Variants in NT5C2 observed in about 807,000 individuals in gnomAD.
NT5C2 encodes 5'-nucleotidase, cytosolic II.
Under a neutral mutation model 76.1 loss-of-function variants are expected in NT5C2, and 58 were observed. The ratio of observed to expected loss-of-function variants is 0.76; its 90% confidence interval spans 0.62 to 0.95. The LOEUF is 0.95. Ranked by LOEUF, NT5C2 falls within the 40% of genes least tolerant of loss-of-function variation. NT5C2 has a pLI of 0.00. For missense variants in NT5C2, 478 were observed against 690.3 expected (o/e 0.69, Z 3.45); for synonymous variants, 229 against 237.4 (o/e 0.96, Z 0.32).
intron 1 of NT5C2, among the ~76,000 whole-genome samples, chr10:103,192,835 CTGAGGAAAGGGCTACCACCAGCG>C (rs1446264764): frequency 6.6e-6 from 1 of 152,148 alleles, no homozygotes; most frequent in Non-Finnish European, 1.5e-5. Context: ...GTCAGCAGGA[CTGAGGAAAGGGCTACCACCAGCG>C]TGAGGAAAGG....
intron 3 of NT5C2, among the ~76,000 whole-genome samples, chr10:103,168,103 C>T (rs190300909): frequency 7.2e-6 from 1 of 139,076 alleles, no homozygotes. Context: ...TAAACTGCAA[C>T]TAAAAAAAAA....
At chr10:103,192,530 A>C (rs572355699) in intron 1 of NT5C2, among the ~76,000 whole-genome samples, 12 of 152,294 alleles carry the variant, frequency 7.9e-5, no homozygotes, top group African/African-American at 2.9e-4. Flanking sequence ...AAAAAAGGAG[A>C]AGAATAGGCC....
At chr10:103,157,397 T>C (rs2133956838) in intron 3 of NT5C2, among the ~76,000 whole-genome samples, 1 of 152,284 alleles carries the variant, frequency 6.6e-6, no homozygotes, top group African/African-American at 2.4e-5. Flanking sequence ...AATTTTAGAT[T>C]AAGCAAACTA....
chr10:103,135,650 T>C (rs1451816783), intron 4 of NT5C2, among the ~76,000 whole-genome samples: 3 of 151,848 alleles, frequency 2.0e-5, no homozygotes, highest in Non-Finnish European at 4.4e-5. Flanking sequence ...TAGCCGGGCA[T>C]AGTGGCAGGC....
chr10:103,153,363 T>C, intron 3 of NT5C2: 1 of 1,263,516 alleles, frequency 7.9e-7, no homozygotes. Context: ...GCTTCACTGA[T>C]CTCTTGAGAA....
chr10:103,124,988 C>T (rs916191264), intron 4 of NT5C2: 5 of 160,432 alleles, frequency 3.1e-5, no homozygotes, highest in South Asian at 1.7e-4. Flanking sequence ...TTCCATGAGG[C>T]ATTTTATTTG....
intron 4 of NT5C2, among the ~76,000 whole-genome samples, chr10:103,122,122 C>T (rs979005366): frequency 2.6e-5 from 4 of 152,110 alleles, no homozygotes; most frequent in Admixed American, 2.0e-4. Flanking sequence ...TGTAGTGAGC[C>T]GAGATCACCC....
intron 3 of NT5C2, among the ~76,000 whole-genome samples, chr10:103,155,381 T>C (rs2083164433): frequency 6.6e-6 from 1 of 152,210 alleles, no homozygotes; most frequent in Non-Finnish European, 1.5e-5. Context: ...GTAAAGTTAT[T>C]CCAGTTTAAA....
chr10:103,120,093 T>C (rs559698263), intron 4 of NT5C2, among the ~76,000 whole-genome samples: 3 of 148,886 alleles, frequency 2.0e-5, no homozygotes, highest in East Asian at 4.2e-4. Context: ...TGTGAGACCC[T>C]GTTTCAAAAA....
At position 103,174,991 on chromosome 10, in the gene NT5C2, G is replaced by GA; in HGVS notation, c.-24-10dup. On this transcript the variant is annotated splice_polypyrimidine_tract_variant and intron_variant, in intron 2 of 18. Transcript: ENST00000404739. ...TAACTGTATTTTGTATTCTAGAAAA[G>GA]AAAATCATTAATTTAGTAACTTAAT... 7.0e-7 allele frequency: 1 copy of GA among 1,427,036 alleles called. No individual in the cohort carries two copies. The highest frequency in any genetic ancestry group is 9.9e-7 in the Non-Finnish European group (1 of 1,012,534). The allele number at this position is 1,427,036 out of a possible 1,614,324, so 88.4% of individuals were successfully genotyped here. A position where few individuals can be genotyped will look rare whatever the true frequency, so the allele number is the denominator to read the frequency against.
intron 4 of NT5C2, among the ~76,000 whole-genome samples, chr10:103,119,323 C>T (rs1216798488): frequency 2.6e-5 from 4 of 152,098 alleles, no homozygotes; most frequent in Non-Finnish European, 5.9e-5. Context: ...GAGCTGAGAT[C>T]GCGCCATTGT....
At chr10:103,138,339 T>G (rs1185292454) in intron 4 of NT5C2, among the ~76,000 whole-genome samples, 1 of 152,202 alleles carries the variant, frequency 6.6e-6, no homozygotes, top group African/African-American at 2.4e-5. Context: ...GGTATACATG[T>G]ACCATGGTGG....
chr10:103,154,007 G>A (rs1347751456), intron 3 of NT5C2, among the ~76,000 whole-genome samples: 1 of 151,968 alleles, frequency 6.6e-6, no homozygotes, highest in Non-Finnish European at 1.5e-5. Flanking sequence ...GATATTTACA[G>A]ATCTTTGGCA....
At chr10:103,125,565 A>G (rs1343873123) in intron 4 of NT5C2, 2 of 168,178 alleles carry the variant, frequency 1.2e-5, no homozygotes, top group Non-Finnish European at 2.6e-5. Flanking sequence ...ATCTGTAACC[A>G]CGAGGAGATA....
At chr10:103,134,459 C>T (rs948741685) in intron 4 of NT5C2, among the ~76,000 whole-genome samples, 29 of 152,218 alleles carry the variant, frequency 1.9e-4, no homozygotes, top group Non-Finnish European at 4.0e-4. Flanking sequence ...GTTGAGCCTG[C>T]AAGTGCACAG....
At chr10:103,105,486 A>G (rs2070995619) in intron 6 of NT5C2, 4 of 557,026 alleles carry the variant, frequency 7.2e-6, no homozygotes, top group Non-Finnish European at 9.1e-6. Context: ...TATGCTGTAT[A>G]ATTGGAAGGC....
chr10:103,172,787 A>C (rs1476191742), intron 3 of NT5C2, among the ~76,000 whole-genome samples: 1 of 152,166 alleles, frequency 6.6e-6, no homozygotes, highest in East Asian at 1.9e-4. Flanking sequence ...GTGAGCTGAG[A>C]TCGCATCACT....
Position 103,088,674 on chromosome 10 carries a change from G to A in NT5C2, c.*998C>T, listed in dbSNP as rs1172148581. On this transcript the variant is annotated 3_prime_UTR_variant, in exon 19 of 19. Transcript: ENST00000404739. Reference sequence around the variant, plus strand: ...AGTGCTGGGATTACAGGCGTGAGCCGCCGTGCCTGGCCTTGACTTGAGATT... The same window carrying A: ...AGTGCTGGGATTACAGGCGTGAGCCACCGTGCCTGGCCTTGACTTGAGATT... 4.0e-5 allele frequency: 7 copies of A among 173,880 alleles called. No homozygotes were observed. The highest frequency in any genetic ancestry group is 7.1e-5 in the African/African-American group (3 of 42,120). The allele number at this position is 173,880 out of a possible 1,614,324, so 10.8% of individuals were successfully genotyped here. A position where few individuals can be genotyped will look rare whatever the true frequency, so the allele number is the denominator to read the frequency against.
intron 3 of NT5C2, among the ~76,000 whole-genome samples, chr10:103,164,046 C>A (rs569532721): frequency 1.3e-5 from 2 of 151,938 alleles, no homozygotes; most frequent in South Asian, 4.2e-4. Context: ...TGAGACCAGC[C>A]TGGACATCAA....
Sources: gnomAD v4.1 joint callset for allele counts (sites outside exome capture counted in the v4.1 genomes callset) on GRCh38, gnomAD v4.1.1 for gene constraint, MANE v1.5 for transcripts, NCBI Gene and HGNC (gene_info 2026-07-23, HGNC 2026-07-21) for gene names.